The following C14orf39 variants were observed in gnomAD, a reference collection of about 807,000 sequenced individuals.
C14orf39 encodes the protein chromosome 14 open reading frame 39.
Under a neutral mutation model 85.6 loss-of-function variants are expected in C14orf39, and 66 were observed. The observed-to-expected ratio is 0.77, with a 90% confidence interval of 0.63 to 0.95. The LOEUF (loss-of-function observed/expected upper bound fraction) is 0.95. Ranked by LOEUF, C14orf39 falls within the 40% of genes least tolerant of loss-of-function variation. The pLI is 0.00. For synonymous variants in C14orf39, 242 were observed against 214.0 expected, an observed-to-expected ratio of 1.13 and a Z score of -1.14; for missense variants, 735 against 663.9, an observed-to-expected ratio of 1.11 and a Z score of -1.18.
chr14:60,468,285 T>TTTAAG (rs138427307), intron 9 of C14orf39, among the ~76,000 whole-genome samples, 160 bp downstream of exon 9: 124,126 of 151,112 alleles, frequency 0.82, 52,589 homozygotes, highest in Non-Finnish European at 0.92. Context: ...GCTCATAATA[T>TTTAAG]TTAATAATAT....
At position 60,509,519 on chromosome 14, in the gene C14orf39, C is replaced by T. The variant is rs1032753134; in HGVS notation, c.-144+5876G>A. On this transcript the variant is annotated intron_variant, in intron 1 of 5. Coordinates refer to the C14orf39 transcript ENST00000556799. ...CTTCCTCTGGTCGCTGCCCGTGGCC[C>T]CTGCGGCCTGCGAGGCCCTCAACAA... 3 of 1,606,738 alleles carry T rather than the reference C, an allele frequency of 1.9e-6. No homozygotes were observed. The highest frequency in any genetic ancestry group is 1.7e-6 in the Non-Finnish European group (2 of 1,179,976).
At chr14:60,503,095 A>G (rs1893165885) in intron 1 of C14orf39, among the ~76,000 whole-genome samples, 1 of 152,208 alleles carries the variant, frequency 6.6e-6, no homozygotes, top group Non-Finnish European at 1.5e-5. Flanking sequence ...ACCAAGCTTT[A>G]CGACACCTCA....
intron 1 of C14orf39, among the ~76,000 whole-genome samples, chr14:60,503,104 C>T (rs766531347): frequency 3.9e-5 from 6 of 152,180 alleles, no homozygotes; most frequent in Non-Finnish European, 7.3e-5. Context: ...TACGACACCT[C>T]AAGTCCAATC....
chr14:60,486,875 A>G (rs911037864), upstream of C14orf39, among the ~76,000 whole-genome samples: 1 of 152,216 alleles, frequency 6.6e-6, no homozygotes, highest in Non-Finnish European at 1.5e-5. Flanking sequence ...ACTAGTTGGT[A>G]TTAATATTCA....
At chr14:60,449,002 C>A (rs993112306) in intron 16 of C14orf39, among the ~76,000 whole-genome samples, 1 of 151,556 alleles carries the variant, frequency 6.6e-6, no homozygotes, top group South Asian at 2.1e-4. Flanking sequence ...CACATGGACA[C>A]GGGGTGGGGA....
upstream of C14orf39, among the ~76,000 whole-genome samples, chr14:60,488,617 C>T (rs531725605): frequency 4.6e-5 from 7 of 152,270 alleles, no homozygotes; most frequent in East Asian, 1.2e-3. Context: ...ACCTGCTGCT[C>T]ATTCTAATTG....
intron 7 of C14orf39, among the ~76,000 whole-genome samples, chr14:60,470,192 G>A (rs1892011200): frequency 6.6e-6 from 1 of 151,674 alleles, no homozygotes; most frequent in Non-Finnish European, 1.5e-5. Flanking sequence ...CTTCGACTTG[G>A]ACTTTCTACT....
intron 1 of C14orf39, among the ~76,000 whole-genome samples, chr14:60,501,060 T>C (rs1893138800): frequency 6.6e-6 from 1 of 151,882 alleles, no homozygotes; most frequent in African/African-American, 2.4e-5. Context: ...ATAGACTGTC[T>C]AGGGCCAGGT....
intron 4 of C14orf39, among the ~76,000 whole-genome samples, chr14:60,483,311 T>C (rs917467338): frequency 1.3e-5 from 2 of 152,184 alleles, no homozygotes; most frequent in African/African-American, 4.8e-5. Flanking sequence ...CCTGAAGCCA[T>C]GTTGAAAGAA....
intron 4 of C14orf39, among the ~76,000 whole-genome samples, chr14:60,479,253 A>G (rs1331284605): frequency 6.6e-6 from 1 of 152,204 alleles, no homozygotes; most frequent in African/African-American, 2.4e-5. Flanking sequence ...TTGTACTTAA[A>G]TATATCTGAA....
chr14:60,456,082 T>C (rs1296684034), intron 15 of C14orf39, among the ~76,000 whole-genome samples: 1 of 152,098 alleles, frequency 6.6e-6, no homozygotes, highest in African/African-American at 2.4e-5. Context: ...TAACTCTTAT[T>C]AGCAATTTAA....
Position 60,456,987 on chromosome 14 carries a change from T to G in C14orf39, c.1288A>C (p.Thr430Pro). The G allele has an allele frequency of 6.2e-7, 1 of 1,611,012 alleles. No homozygotes were observed. The highest frequency in any genetic ancestry group is 8.5e-7 in the Non-Finnish European group (1 of 1,178,542). The change falls in exon 15 of 18, where the codon ACT becomes CCT. Residue 430 changes from threonine (T) to proline (P), a missense_variant. Physicochemically the swap from Thr to Pro is conservative, Grantham distance 38. Transcript: ENST00000321731. ...TCAGGTGCTTTCACAGCTTTGGGAGTTCCTAAAAATATAGGAATTTCAGAC... is the reference window on the plus strand; with the variant it reads ...TCAGGTGCTTTCACAGCTTTGGGAGGTCCTAAAAATATAGGAATTTCAGAC... ...RTSEIPIFLG[T>P]PKAVKAPESL...
intron 16 of C14orf39, among the ~76,000 whole-genome samples, chr14:60,449,987 C>CT (rs1890959878): frequency 6.6e-6 from 1 of 152,192 alleles, no homozygotes; most frequent in Admixed American, 6.5e-5. Context: ...TAATCACCCA[C>CT]TGACTAAAGA....
At chr14:60,498,943 C>A (rs1893103581) in intron 2 of C14orf39, among the ~76,000 whole-genome samples, 2 of 152,234 alleles carry the variant, frequency 1.3e-5, no homozygotes, top group East Asian at 1.9e-4. Context: ...ATCCACAGAA[C>A]AGCCAAAGAA....
chr14:60,462,037 C>T (rs1424935346), intron 11 of C14orf39, among the ~76,000 whole-genome samples: 1 of 151,988 alleles, frequency 6.6e-6, no homozygotes, highest in African/African-American at 2.4e-5. Context: ...TTTTTATATA[C>T]ACATAAAAGA....
rs753794441 is a variant in C14orf39, at chr14:60,461,442, T to C, written c.1059-30A>G. 88 of 1,583,688 alleles carry C rather than the reference T, an allele frequency of 5.6e-5. 1 individual carries two copies. Among genetic ancestry groups the C allele is most frequent in the Non-Finnish European group, 7.5e-5 (87 of 1,161,004 alleles). Reference sequence around the variant, plus strand: ...AATGGAATAAATATAATTTTTGTATTTTTTCTGAGTTGATATCTATAAATT... The same window carrying C: ...AATGGAATAAATATAATTTTTGTATCTTTTCTGAGTTGATATCTATAAATT... On this transcript the variant is annotated intron_variant, in intron 12 of 17. Coordinates refer to ENST00000321731, the MANE Select transcript of C14orf39 (RefSeq NM_174978.3).
intron 1 of C14orf39, chr14:60,512,432 T>C (rs1190827605): frequency 6.6e-6 from 1 of 152,212 alleles, no homozygotes; most frequent in East Asian, 1.9e-4. Flanking sequence ...GAAGAGGTTG[T>C]AAATAATTAG....
At chr14:60,514,390 T>G (rs941695140) in intron 1 of C14orf39, among the ~76,000 whole-genome samples, 1 of 152,196 alleles carries the variant, frequency 6.6e-6, no homozygotes. Context: ...ATTTTTATAT[T>G]AAATATTTCA....
chr14:60,472,239 CT>C (rs1205979758), intron 5 of C14orf39, among the ~76,000 whole-genome samples: 1 of 34,616 alleles, frequency 2.9e-5, no homozygotes, highest in Non-Finnish European at 9.7e-5. Flanking sequence ...TGTATTAGAA[CT>C]CTTGTGTTCA....
Sources: gnomAD v4.1 joint callset for allele counts (sites outside exome capture counted in the v4.1 genomes callset) on GRCh38, gnomAD v4.1.1 for gene constraint, MANE v1.5 for transcripts, NCBI Gene and HGNC (gene_info 2026-07-23, HGNC 2026-07-21) for gene names.